PRRG1: variants seen among roughly 807,000 people sequenced by gnomAD.
PRRG1 encodes proline rich and Gla domain 1, also known as transmembrane gamma-carboxyglutamic acid protein 1.
Under a neutral mutation model 11.8 loss-of-function variants are expected in PRRG1, and 5 were observed. That is an observed-to-expected ratio of 0.42 (90% confidence interval 0.22 to 0.89). PRRG1 has a LOEUF of 0.89. PRRG1 is among the 40% of genes least tolerant of loss of function. The probability of loss-of-function intolerance (pLI) is 0.28; values close to 1 mark genes in which losing one functional copy is unlikely to be tolerated. For synonymous variants in PRRG1, 66 were observed against 60.4 expected, an observed-to-expected ratio of 1.09 and a Z score of -0.43; for missense variants, 155 against 166.1, an observed-to-expected ratio of 0.93 and a Z score of 0.37.
At chrX:37,396,345 C>T (rs781992312) in intron 1 of PRRG1, among the ~76,000 whole-genome samples, 16 of 111,490 alleles carry the variant, frequency 1.4e-4, no homozygotes, top group African/African-American at 4.2e-4. Context: ...ATACTTGATA[C>T]GGTTTGGCTG....
chrX:37,400,507 C>T (rs1931932059), intron 1 of PRRG1, among the ~76,000 whole-genome samples: 1 of 110,694 alleles, frequency 9.0e-6, no homozygotes, highest in African/African-American at 3.3e-5. Flanking sequence ...ATTTATAGCA[C>T]TAAATGCCCA....
chrX:37,413,023 A>G (rs368070576), intron 2 of PRRG1, among the ~76,000 whole-genome samples: 1 of 111,318 alleles, frequency 9.0e-6, no homozygotes, highest in African/African-American at 3.3e-5. Context: ...GTTATAAAAC[A>G]TTTTCATCAC....
chrX:37,424,457 TAGAA>T (rs1556387884), intron 2 of PRRG1, among the ~76,000 whole-genome samples: 1 of 111,573 alleles, frequency 9.0e-6, no homozygotes, highest in East Asian at 2.8e-4. Context: ...CAAGAAGTGT[TAGAA>T]AATTTTACTG....
rs782761248 is a variant in PRRG1, at chrX:37,455,337, A to G, written c.*1716A>G. 8.9e-6 allele frequency: 1 copy of G among 111,982 alleles called. No homozygotes were observed. The highest frequency in any genetic ancestry group is 9.4e-5 in the Admixed American group (1 of 10,603). The allele number at this position is 111,982 out of a possible 1,213,427, so 9.2% of individuals were successfully genotyped here. ...ATGGTGTGTATGTAAGAAATTTGTA[A>G]AATGTGAAGAGCTATCTACACTAAG... On this transcript the variant is annotated 3_prime_UTR_variant, in exon 4 of 4. Coordinates refer to ENST00000378628, the MANE Select transcript of PRRG1 (RefSeq NM_001142395.2).
chrX:37,415,681 A>T (rs138272076), intron 2 of PRRG1, among the ~76,000 whole-genome samples: 2,214 of 111,984 alleles, frequency 0.02, 55 homozygotes, highest in African/African-American at 0.068. Flanking sequence ...GGTTACAACT[A>T]AGTCTTAGGC....
chrX:37,384,181 G>A (rs1221074717), intron 1 of PRRG1, among the ~76,000 whole-genome samples: 3 of 111,362 alleles, frequency 2.7e-5, no homozygotes, highest in South Asian at 3.7e-4. Context: ...ATACTTTCCC[G>A]TTTGCAGAAT....
At chrX:37,426,444 T>G (rs998429760) in intron 3 of PRRG1, among the ~76,000 whole-genome samples, 1 of 111,897 alleles carries the variant, frequency 8.9e-6, no homozygotes, top group African/African-American at 3.3e-5. Context: ...TTTACTTCTC[T>G]TTACTCTAGA....
chrX:37,447,531 T>C (rs184319081), intron 3 of PRRG1, among the ~76,000 whole-genome samples: 47 of 112,784 alleles, frequency 4.2e-4, no homozygotes, highest in Non-Finnish European at 6.7e-4. Context: ...ATTCAGAGTT[T>C]CAAAAAGCAA....
At chrX:37,423,162 C>CA (rs201848210) in intron 2 of PRRG1, among the ~76,000 whole-genome samples, 4,643 of 109,805 alleles carry the variant, frequency 0.042, 259 homozygotes, top group African/African-American at 0.15. Context: ...TAATTTTTAA[C>CA]AAAAAAGTTA....
chrX:37,446,663 A>C (rs1185656493), intron 3 of PRRG1, among the ~76,000 whole-genome samples: 2 of 111,187 alleles, frequency 1.8e-5, no homozygotes, highest in African/African-American at 6.6e-5. Context: ...CCTGAGACTA[A>C]TTTATAGAGA....
At chrX:37,387,622 A>G (rs1486833347) in intron 1 of PRRG1, among the ~76,000 whole-genome samples, 2 of 111,244 alleles carry the variant, frequency 1.8e-5, no homozygotes, top group African/African-American at 6.6e-5. Flanking sequence ...GCACCAAGGG[A>G]TGGTGCTAAA....
intron 3 of PRRG1, among the ~76,000 whole-genome samples, chrX:37,429,678 T>TA (rs368325435): frequency 1.8e-5 from 2 of 112,187 alleles, no homozygotes; most frequent in South Asian, 3.7e-4. Context: ...TCCCAACCTC[T>TA]GCCTGTTACC....
chrX:37,398,218 G>A (rs963326345), intron 1 of PRRG1, among the ~76,000 whole-genome samples: 130 of 111,330 alleles, frequency 1.2e-3, no homozygotes, highest in Non-Finnish European at 2.2e-3. Context: ...AGCCTAACTG[G>A]GAGGCACCCC....
intron 1 of PRRG1, among the ~76,000 whole-genome samples, chrX:37,376,594 C>T (rs782370777): frequency 4.4e-5 from 1 of 22,872 alleles, no homozygotes; most frequent in South Asian, 2.2e-3. Context: ...GGAGAGGATC[C>T]TATAGGTTCT....
At chrX:37,423,901 C>G (rs1932729664) in intron 2 of PRRG1, among the ~76,000 whole-genome samples, 3 of 110,591 alleles carry the variant, frequency 2.7e-5, no homozygotes. Flanking sequence ...TCATATTATT[C>G]CTGTATCTTT....
At position 37,416,690 on chromosome X, in the gene PRRG1, G is replaced by A. The variant is rs1018373364; in HGVS notation, c.11-9150G>A. 4.5e-5 allele frequency among the ~76,000 whole-genome samples: 5 copies of A among 112,179 alleles called. No homozygotes were observed. The East Asian group carries it at 1.4e-3, about 31-fold the overall frequency. On this transcript the variant is annotated intron_variant, in intron 2 of 3. Transcript: ENST00000378628. ...TTCCATATTTGTTTGTTTCTTGGGA[G>A]CAAGGCATTGCTCTTGGTTCAGAAA...
At chrX:37,386,041 C>T (rs1381800410) in intron 1 of PRRG1, among the ~76,000 whole-genome samples, 1 of 111,987 alleles carries the variant, frequency 8.9e-6, no homozygotes, top group Non-Finnish European at 1.9e-5. Flanking sequence ...GGATTACAGG[C>T]GTGAGCTACT....
chrX:37,431,160 C>T (rs1250986046), intron 3 of PRRG1, among the ~76,000 whole-genome samples: 3 of 111,806 alleles, frequency 2.7e-5, no homozygotes, highest in East Asian at 2.8e-4. Context: ...TATTGAGAGA[C>T]GTGTGTTGTT....
At chrX:37,385,141 A>T (rs1027872058) in intron 1 of PRRG1, among the ~76,000 whole-genome samples, 1 of 112,267 alleles carries the variant, frequency 8.9e-6, no homozygotes, top group Non-Finnish European at 1.9e-5. Flanking sequence ...CCTAACATGG[A>T]ATCAGTAGTG....
Sources: gnomAD v4.1 joint callset for allele counts (sites outside exome capture counted in the v4.1 genomes callset) on GRCh38, gnomAD v4.1.1 for gene constraint, MANE v1.5 for transcripts, NCBI Gene and HGNC (gene_info 2026-07-23, HGNC 2026-07-21) for gene names.